Variants in MAP4 observed in about 807,000 individuals in gnomAD.
MAP4 encodes the protein microtubule-associated protein 4.
Under a neutral mutation model 170.2 loss-of-function variants are expected in MAP4, and 76 were observed. The ratio of observed to expected loss-of-function variants is 0.45; its 90% CI spans 0.37 to 0.54. The LOEUF (loss-of-function observed/expected upper bound fraction) is 0.54, where lower values mean the gene tolerates loss of function less well. Among genes scored for constraint, MAP4 ranks in the 20% least tolerant of loss-of-function variants. The pLI is 0.00. For synonymous variants in MAP4, 909 were observed against 994.5 expected (o/e 0.91, Z 1.62); for missense variants, 2,506 against 2,748.0 (o/e 0.91, Z 1.97).
chr3:47,962,590 A>T (rs2100072276), intron 3 of MAP4, among the ~76,000 whole-genome samples: 1 of 152,138 alleles, frequency 6.6e-6, no homozygotes, highest in South Asian at 2.1e-4. Context: ...TCTCTGTTCA[A>T]TTTATGGTGT....
chr3:47,916,799 G>A lies in MAP4; in HGVS notation c.1028C>T (p.Ala343Val), dbSNP rs557419312. Residue 343 changes from alanine (A) to valine (V), a missense_variant, in exon 7 of 21, where the codon GCC becomes GTC. This residue lies in a region of MAP4 where 2,008 missense variants were observed against 2,206.0 expected (regional missense o/e 0.91). Transcript: ENST00000683076. ...NVVLPTETEV[A>V]PAKDVTLLKE... is the part of the protein sequence containing the mutation. ...CAACAGTGTCACATCCTTGGCTGGG[G>A]CTACCTCTGTTTCTGTGGGCAGTAC... The A allele has an allele frequency of 6.2e-7, 1 of 1,614,204 alleles. No individual in the cohort carries two copies. Among genetic ancestry groups the A allele is most frequent in the Admixed American group, 1.7e-5 (1 of 60,012 alleles).
At chr3:47,926,376 G>T (rs935497721) in intron 4 of MAP4, among the ~76,000 whole-genome samples, 2 of 150,946 alleles carry the variant, frequency 1.3e-5, no homozygotes, top group Admixed American at 1.3e-4. Flanking sequence ...TAGAGACGAG[G>T]TTTCACCATG....
At chr3:48,008,152 C>T (rs1028321646) in intron 1 of MAP4, among the ~76,000 whole-genome samples, 1 of 152,154 alleles carries the variant, frequency 6.6e-6, no homozygotes, top group African/African-American at 2.4e-5. Context: ...TATACGTGAT[C>T]GGGCTCAAGC....
At chr3:48,053,531 T>C (rs2100129006) in intron 1 of MAP4, among the ~76,000 whole-genome samples, 1 of 152,168 alleles carries the variant, frequency 6.6e-6, no homozygotes, top group South Asian at 2.1e-4. Flanking sequence ...TGAACACTTT[T>C]ATTTTTTTTA....
intron 1 of MAP4, among the ~76,000 whole-genome samples, chr3:48,016,005 T>A (rs1285963165): frequency 6.6e-6 from 1 of 152,212 alleles, no homozygotes; most frequent in Non-Finnish European, 1.5e-5. Flanking sequence ...AGCTGTGCTA[T>A]TACAAACTGA....
chr3:47,863,937 T>TGTGTGTGTGTGTGTGGGGGG (rs374208589), intron 17 of MAP4, among the ~76,000 whole-genome samples: 1 of 138,470 alleles, frequency 7.2e-6, no homozygotes, highest in South Asian at 2.4e-4. Flanking sequence ...TGTGTGTGTG[T>TGTGTGTGTGTGTGTGGGGGG]GGGGAGTGGT....
chr3:47,959,738 G>A (rs1215242588), intron 3 of MAP4, among the ~76,000 whole-genome samples: 3 of 142,708 alleles, frequency 2.1e-5, no homozygotes, highest in South Asian at 2.2e-4. Context: ...CACCCTGGGC[G>A]ACAGAGCGAG....
rs756024154 is a variant in MAP4, at chr3:47,909,245, G to C, written c.5176C>G (p.Pro1726Ala). The C allele has an allele frequency of 4.3e-6, 7 of 1,613,706 alleles. No homozygotes were observed. Among genetic ancestry groups the C allele is most frequent in the Non-Finnish European group, 5.9e-6 (7 of 1,179,828 alleles). Residue 1726 changes from proline (P) to alanine (A), a missense_variant, in exon 9 of 21, where the codon CCC becomes GCC. Physicochemically the swap from Pro to Ala is conservative, Grantham distance 27. This residue lies in a region of MAP4 where 2,008 missense variants were observed against 2,206.0 expected (regional missense o/e 0.91). Transcript: ENST00000683076. Reference sequence around the variant, plus strand: ...GGTGTCTCCAAAATCTTATCTTTGGGTTCTGGGAGTCGAACACCCTTGGAA... The same window carrying C: ...GGTGTCTCCAAAATCTTATCTTTGGCTTCTGGGAGTCGAACACCCTTGGAA... ...TASKGVRLPEPKDKILETPQK... is the reference protein window; with the variant it reads ...TASKGVRLPEAKDKILETPQK...
intron 1 of MAP4, among the ~76,000 whole-genome samples, chr3:48,008,512 C>A (rs2100103630): frequency 6.6e-6 from 1 of 152,184 alleles, no homozygotes; most frequent in South Asian, 2.1e-4. Context: ...ATTATATACT[C>A]ATTCATGGGC....
intron 17 of MAP4, among the ~76,000 whole-genome samples, chr3:47,866,027 GGAAA>G (rs1296025985): frequency 6.6e-6 from 1 of 152,174 alleles, no homozygotes; most frequent in African/African-American, 2.4e-5. Flanking sequence ...GGGTGGAAGA[GGAAA>G]GAGGACAAAA....
chr3:47,885,882 C>A (rs1344665775), intron 10 of MAP4, among the ~76,000 whole-genome samples: 1 of 152,172 alleles, frequency 6.6e-6, no homozygotes, highest in Non-Finnish European at 1.5e-5. Flanking sequence ...GCGCCTGCCA[C>A]CACGCCCAAC....
Position 47,853,309 on chromosome 3 carries a change from G to A in MAP4, c.6740C>T (p.Pro2247Leu), listed in dbSNP as rs532642449. ...GSEAPLCPGPPAGEEPAISEA... is the reference protein window; with the variant it reads ...GSEAPLCPGPLAGEEPAISEA... ...AGAGATGGCCGGCTCCTCCCCAGCA[G>A]GGGGACCCGGACACAGAGGAGCCTC... Residue 2247 changes from proline to leucine, a missense_variant, in exon 20 of 21, where the codon CCT becomes CTT. This residue lies in a region of MAP4 where 487 missense variants were observed against 511.6 expected (regional missense o/e 0.95). Coordinates refer to ENST00000683076, the MANE Select transcript of MAP4 (RefSeq NM_001385682.1). The A allele has an allele frequency of 2.5e-6, 4 of 1,611,056 alleles. No homozygotes were observed. The highest frequency in any genetic ancestry group is 3.4e-6 in the Non-Finnish European group (4 of 1,179,512).
At chr3:48,065,170 C>T (rs578131197) in intron 1 of MAP4, among the ~76,000 whole-genome samples, 1 of 152,256 alleles carries the variant, frequency 6.6e-6, no homozygotes, top group South Asian at 2.1e-4. Flanking sequence ...AAAAGAACCT[C>T]TGCACAATGG....
At chr3:47,924,208 A>T (rs1577691725) in intron 4 of MAP4, among the ~76,000 whole-genome samples, 1 of 152,180 alleles carries the variant, frequency 6.6e-6, no homozygotes, top group East Asian at 1.9e-4. Flanking sequence ...TTTTGGTTCA[A>T]GTCAAGGGAG....
At chr3:47,957,607 C>G (rs2100068601) in intron 3 of MAP4, among the ~76,000 whole-genome samples, 1 of 152,198 alleles carries the variant, frequency 6.6e-6, no homozygotes, top group African/African-American at 2.4e-5. Flanking sequence ...GCCACCATGC[C>G]AAGCCCACAC....
At chr3:48,068,572 G>A (rs1040125472) in intron 1 of MAP4, among the ~76,000 whole-genome samples, 1 of 151,496 alleles carries the variant, frequency 6.6e-6, no homozygotes, top group Non-Finnish European at 1.5e-5. Flanking sequence ...GGCGGATCAC[G>A]AGGAGTTCCA....
intron 3 of MAP4, among the ~76,000 whole-genome samples, chr3:47,940,840 T>C (rs1285293481): frequency 6.6e-6 from 1 of 152,150 alleles, no homozygotes; most frequent in Non-Finnish European, 1.5e-5. Context: ...CACAGCACTT[T>C]GGGAGGCTGA....
chr3:47,888,716 G>A (rs2098084305), intron 10 of MAP4, among the ~76,000 whole-genome samples: 1 of 152,218 alleles, frequency 6.6e-6, no homozygotes, highest in South Asian at 2.1e-4. Flanking sequence ...AAACTTTTCA[G>A]TGGGACATTT....
At chr3:48,068,548 G>C (rs2100139429) in intron 1 of MAP4, among the ~76,000 whole-genome samples, 1 of 152,146 alleles carries the variant, frequency 6.6e-6, no homozygotes, top group South Asian at 2.1e-4. Context: ...CCAGCCCTTA[G>C]GGAGGCCAAG....
Sources: allele counts gnomAD v4.1 joint callset (sites outside exome capture counted in the v4.1 genomes callset), GRCh38; gene constraint gnomAD v4.1.1; regional missense constraint gnomAD v4.1.1; transcripts MANE v1.5; gene names NCBI Gene and HGNC (gene_info 2026-07-23, HGNC 2026-07-21).